The following UTRN variants were observed in gnomAD, a reference collection of about 807,000 sequenced individuals.
UTRN encodes the protein utrophin.
A neutral mutation model predicts 463.9 loss-of-function variants in UTRN; 283 were observed. That is an observed-to-expected ratio of 0.61 (90% confidence interval 0.55 to 0.67). UTRN has a LOEUF of 0.67. UTRN is among the 30% of genes least tolerant of loss of function. UTRN has a pLI of 0.00. For synonymous variants in UTRN, 1,442 were observed against 1,431.5 expected, an observed-to-expected ratio of 1.01 and a Z score of -0.17; for missense variants, 3,922 against 4,084.3, an observed-to-expected ratio of 0.96 and a Z score of 1.08.
At chr6:144,450,020 G>A (rs1294851429) in intron 17 of UTRN, among the ~76,000 whole-genome samples, 9 of 152,148 alleles carry the variant, frequency 5.9e-5, no homozygotes, top group African/African-American at 4.8e-5. Flanking sequence ...ATCAGTGATC[G>A]TGACTCCTCT....
intron 2 of UTRN, among the ~76,000 whole-genome samples, chr6:144,385,718 T>C (rs1781353075): frequency 6.6e-6 from 1 of 151,974 alleles, no homozygotes; most frequent in African/African-American, 2.4e-5. Flanking sequence ...TTTTTTTTTT[T>C]TTTCTTTTGA....
intron 23 of UTRN, among the ~76,000 whole-genome samples, chr6:144,464,661 C>T (rs899159771): frequency 4.6e-5 from 7 of 151,924 alleles, no homozygotes; most frequent in Non-Finnish European, 7.4e-5. Flanking sequence ...CCACTATGCC[C>T]GGCTAAGGTT....
At chr6:144,462,917 ATTATC>A (rs749151381) in intron 23 of UTRN, 51 bp downstream of exon 23, 4 of 1,342,116 alleles carry the variant, frequency 3.0e-6, no homozygotes, top group Non-Finnish European at 4.2e-6. Context: ...GTAAATAGTA[ATTATC>A]TTATAAGATT....
chr6:144,518,521 G>A (rs977350061), intron 39 of UTRN, among the ~76,000 whole-genome samples: 1 of 152,076 alleles, frequency 6.6e-6, no homozygotes, highest in African/African-American at 2.4e-5. Flanking sequence ...AGTGAGTTTT[G>A]TCTTTTTAGG....
intron 2 of UTRN, among the ~76,000 whole-genome samples, chr6:144,396,216 A>G (rs1242158288): frequency 6.6e-6 from 1 of 152,262 alleles, no homozygotes; most frequent in Non-Finnish European, 1.5e-5. Flanking sequence ...AAGTTCTGAT[A>G]CAAGCTACAA....
chr6:144,342,899 C>T (rs1006069477), intron 2 of UTRN, among the ~76,000 whole-genome samples: 8 of 152,268 alleles, frequency 5.3e-5, no homozygotes, highest in Admixed American at 2.0e-4. Context: ...GTGCTTTTCC[C>T]GGTCTCCCTC....
intron 51 of UTRN, among the ~76,000 whole-genome samples, chr6:144,643,414 C>A (rs145448876): frequency 1.3e-5 from 2 of 152,122 alleles, no homozygotes; most frequent in African/African-American, 4.8e-5. Context: ...AAGAGTTTAA[C>A]GTTTTCCTGT....
chr6:144,369,417 G>T (rs1219799246), intron 2 of UTRN, among the ~76,000 whole-genome samples: 1 of 152,202 alleles, frequency 6.6e-6, no homozygotes, highest in East Asian at 1.9e-4. Flanking sequence ...AAGAGATCGA[G>T]ACCATCCTGG....
chr6:144,703,780 C>G (rs953247264), intron 53 of UTRN, among the ~76,000 whole-genome samples: 2 of 151,930 alleles, frequency 1.3e-5, no homozygotes, highest in Non-Finnish European at 2.9e-5. Context: ...GGAGTAGATT[C>G]AAGAGAGAAT....
At chr6:144,301,773 G>T (rs1283207952) in intron 2 of UTRN, among the ~76,000 whole-genome samples, 1 of 151,860 alleles carries the variant, frequency 6.6e-6, no homozygotes, top group Non-Finnish European at 1.5e-5. Flanking sequence ...AACCTCAAGT[G>T]AACCGCCTGC....
intron 2 of UTRN, among the ~76,000 whole-genome samples, chr6:144,392,481 G>A (rs1466156099): frequency 6.6e-6 from 1 of 152,116 alleles, no homozygotes; most frequent in African/African-American, 2.4e-5. Flanking sequence ...AATCAACAGT[G>A]GGAGAATATT....
At chr6:144,644,567 T>G (rs1778097716) in intron 51 of UTRN, among the ~76,000 whole-genome samples, 1 of 152,212 alleles carries the variant, frequency 6.6e-6, no homozygotes, top group Admixed American at 6.5e-5. Flanking sequence ...TGGCTATATA[T>G]TAGTCATATA....
chr6:144,757,864 T>C lies in UTRN; in HGVS notation c.8435-65T>C, dbSNP rs138732713. ...AATTTGCTATAAAATGTTCAGTTGT[T>C]TTGCATTAAGGTGTAAGGCTTTTTG... On this transcript the variant is annotated intron_variant, in intron 57 of 74. Coordinates refer to ENST00000367545, the MANE Select transcript of UTRN (RefSeq NM_007124.3). The C allele has an allele frequency of 4.9e-4, 707 of 1,430,664 alleles. 3 individuals are homozygous for C. In the African/African-American group the frequency reaches 8.7e-3, roughly 18 times the overall value. The allele number at this position is 1,430,664 out of a possible 1,614,324, so 88.6% of individuals were successfully genotyped here. A position where few individuals can be genotyped will look rare whatever the true frequency, so the allele number is the denominator to read the frequency against.
Position 144,752,296 on chromosome 6 carries a change from AT to A in UTRN, c.8355+354del, listed in dbSNP as rs375168967. 6.0e-5 allele frequency among the ~76,000 whole-genome samples: 9 copies of A among 149,320 alleles called. 1 individual carries two copies. The highest frequency in any genetic ancestry group is 2.1e-4 in the South Asian group (1 of 4,698). The stretch of plus-strand genomic sequence containing the variant: ...GTCATTTTTCTTACTTTCATCATGT[AT>A]TTTTTTTTTCATTTTGAAAAATCAG... On this transcript the variant is annotated intron_variant, in intron 56 of 74. Coordinates refer to ENST00000367545, the MANE Select transcript of UTRN (RefSeq NM_007124.3).
intron 2 of UTRN, among the ~76,000 whole-genome samples, chr6:144,314,572 T>C (rs957177488): frequency 6.6e-6 from 1 of 152,236 alleles, no homozygotes; most frequent in Non-Finnish European, 1.5e-5. Flanking sequence ...AATTTATGAT[T>C]TTTCTTTTTC....
At chr6:144,440,278 T>C (rs1369912402) in intron 12 of UTRN, 74 bp from the exon 13 acceptor site, 3 of 1,510,232 alleles carry the variant, frequency 2.0e-6, no homozygotes, top group Non-Finnish European at 2.7e-6. Flanking sequence ...TTAATTACTA[T>C]TGACAACTGA....
At chr6:144,665,324 G>C (rs1780276063) in intron 51 of UTRN, among the ~76,000 whole-genome samples, 1 of 151,982 alleles carries the variant, frequency 6.6e-6, no homozygotes, top group African/African-American at 2.4e-5. Flanking sequence ...AAATATTTTT[G>C]CTTACATATT....
intron 17 of UTRN, among the ~76,000 whole-genome samples, chr6:144,450,903 C>A (rs1052074654): frequency 6.6e-6 from 1 of 152,086 alleles, no homozygotes; most frequent in Non-Finnish European, 1.5e-5. Context: ...CCAAGGCGGG[C>A]CGATCATGAG....
chr6:144,495,597 A>T (rs575929016), intron 33 of UTRN, among the ~76,000 whole-genome samples: 1 of 152,224 alleles, frequency 6.6e-6, no homozygotes, highest in African/African-American at 2.4e-5. Flanking sequence ...CCCACAGTGC[A>T]GCGGTGGGCT....
Sources: gnomAD v4.1 joint callset for allele counts (sites outside exome capture counted in the v4.1 genomes callset) on GRCh38, gnomAD v4.1.1 for gene constraint, MANE v1.5 for transcripts, NCBI Gene and HGNC (gene_info 2026-07-23, HGNC 2026-07-21) for gene names.